Variants in DEF8 observed in about 807,000 individuals in gnomAD.
The protein encoded by DEF8 is DEF-8.
DEF8 carries 38 observed loss-of-function variants against 59.1 expected under a neutral mutation model. The observed-to-expected ratio is 0.64, with a 90% CI of 0.50 to 0.84. The LOEUF (loss-of-function observed/expected upper bound fraction) is 0.84, where lower values mean the gene tolerates loss of function less well. DEF8 is among the 40% of genes least tolerant of loss of function. The probability of loss-of-function intolerance (pLI) is 0.00; values close to 1 mark genes in which losing one functional copy is unlikely to be tolerated. For missense variants in DEF8, 557 were observed against 615.2 expected, an observed-to-expected ratio of 0.91 and a Z score of 1.00; for synonymous variants, 265 against 250.1, an observed-to-expected ratio of 1.06 and a Z score of -0.56.
chr16:89,949,390 C>G, intron 1 of DEF8, 27 bp from the exon 2 acceptor site: 23 of 1,558,114 alleles, frequency 1.5e-5, no homozygotes, highest in Non-Finnish European at 2.0e-5. Flanking sequence ...TGGGGAGGCA[C>G]AGTGCTGGGG....
intron 4 of DEF8, among the ~76,000 whole-genome samples, chr16:89,955,962 A>G (rs1483982416): frequency 6.6e-6 from 1 of 151,712 alleles, no homozygotes; most frequent in African/African-American, 2.4e-5. Flanking sequence ...AGTCCCAGCT[A>G]CTCGGGAGGC....
intron 4 of DEF8, among the ~76,000 whole-genome samples, chr16:89,955,985 A>ATGAT (rs1466022210): frequency 1.3e-5 from 2 of 152,098 alleles, no homozygotes; most frequent in East Asian, 3.9e-4. Flanking sequence ...AGGTAGGAGA[A>ATGAT]TGATGTGAAC....
Position 89,957,637 on chromosome 16 carries a change from C to T in DEF8, c.349C>T (p.Arg117Trp), listed in dbSNP as rs778609903. 29 of 1,567,756 alleles carry T rather than the reference C, an allele frequency of 1.8e-5. No homozygotes were observed. Among genetic ancestry groups the T allele is most frequent in the Middle Eastern group, 1.7e-4 (1 of 5,826 alleles). Reference protein sequence around the residue: ...KDAVVRLIHLRLKLQELKDPN... With the variant: ...KDAVVRLIHLWLKLQELKDPN... ...TGCCGTGGTGCGACTCATCCACCTCCGGCTGAAGCTCCAGGAGCTGAAGGT... is the reference window on the plus strand; with the variant it reads ...TGCCGTGGTGCGACTCATCCACCTCTGGCTGAAGCTCCAGGAGCTGAAGGT... Residue 117 changes from arginine (R) to tryptophan (W), a missense_variant, in exon 5 of 13, where the codon CGG (arginine) becomes TGG (tryptophan). Arg to Trp is a moderately radical substitution (Grantham distance 101). Transcript: ENST00000563594.
chr16:89,948,874 G>A (rs1360230268), intron 1 of DEF8, 60 bp downstream of exon 1: 34 of 510,976 alleles, frequency 6.7e-5, no homozygotes, highest in Admixed American at 3.0e-4. Flanking sequence ...CGGGGACGGG[G>A]CCGGCGGGGA....
At position 89,949,467 on chromosome 16, in the gene DEF8, T is replaced by G; in HGVS notation, c.-57T>G. On this transcript the variant is annotated 5_prime_UTR_variant, in exon 2 of 13. The change abolishes an upstream ATG in the 5' untranslated region. Coordinates refer to ENST00000563594, the MANE Select transcript of DEF8 (RefSeq NM_001242818.2). ...TCCGTGGCCAGCAGCCCTAGAGGAA[T>G]GGCCATCCTGTCCCTGCGAGCCCCT... The G allele has an allele frequency of 6.2e-7, 1 of 1,612,008 alleles. No homozygotes were observed. Among genetic ancestry groups the G allele is most frequent in the Non-Finnish European group, 8.5e-7 (1 of 1,179,792 alleles).
At chr16:89,952,093 G>A (rs1009807177) in intron 2 of DEF8, among the ~76,000 whole-genome samples, 9 of 152,218 alleles carry the variant, frequency 5.9e-5, no homozygotes, top group African/African-American at 2.2e-4. Flanking sequence ...TAGCCAGGAT[G>A]GTTTCGATCT....
At position 89,949,517 on chromosome 16, in the gene DEF8, T is replaced by TG; in HGVS notation, c.-11+7dup. On this transcript the variant is annotated splice_donor_region_variant and intron_variant, in intron 2 of 12. Coordinates refer to ENST00000563594, the MANE Select transcript of DEF8 (RefSeq NM_001242818.2). Reference sequence around the variant, plus strand: ...TGGGCCCTGGCAGGCGATGCAGGTATGGGCAGACAGGACGCTGTTGACTCC... The same window carrying TG: ...TGGGCCCTGGCAGGCGATGCAGGTATGGGGCAGACAGGACGCTGTTGACTCC... 6.2e-7 allele frequency: 1 copy of TG among 1,613,268 alleles called. No homozygotes were observed. The highest frequency in any genetic ancestry group is 8.5e-7 in the Non-Finnish European group (1 of 1,179,900).
intron 4 of DEF8, 58 bp downstream of exon 4, chr16:89,955,324 G>GCCAGGGTTTCCTTGTCACTCCCT: frequency 6.8e-7 from 1 of 1,468,552 alleles, no homozygotes. Flanking sequence ...GGCAGGAAGG[G>GCCAGGGTTTCCTTGTCACTCCCT]CCAGGGTTTC....
chr16:89,962,750 T>C (rs539450509), intron 9 of DEF8, among the ~76,000 whole-genome samples: 13 of 152,382 alleles, frequency 8.5e-5, no homozygotes, highest in African/African-American at 2.6e-4. Flanking sequence ...ATGAAATCAA[T>C]GTACATTTTT....
At position 89,966,038 on chromosome 16, in the gene DEF8, C is replaced by T. The variant is rs141639092; in HGVS notation, c.*75C>T. ...TGCCAACATCAAGTTGTTCCTTCTGCTCCGGAGACCCCTGGGGTGCGGCCC... is the reference window on the plus strand; with the variant it reads ...TGCCAACATCAAGTTGTTCCTTCTGTTCCGGAGACCCCTGGGGTGCGGCCC... On this transcript the variant is annotated 3_prime_UTR_variant, in exon 13 of 13. Coordinates refer to ENST00000563594, the MANE Select transcript of DEF8 (RefSeq NM_001242818.2). 2.0e-3 allele frequency: 2,471 copies of T among 1,209,834 alleles called. 51 individuals are homozygous for T. The African/African-American group carries it at 0.033, about 16-fold the overall frequency. The allele number at this position is 1,209,834 out of a possible 1,614,324, so 74.9% of individuals were successfully genotyped here. A position where few individuals can be genotyped will look rare whatever the true frequency, so the allele number is the denominator to read the frequency against.
rs534682721 is a variant in DEF8, at chr16:89,954,288, G to T, written c.36G>T (p.Gln12His). Residue 12 changes from glutamine (Q) to histidine (H), a missense_variant, in exon 3 of 13, where the codon CAG becomes CAT. Coordinates refer to ENST00000563594, the MANE Select transcript of DEF8 (RefSeq NM_001242818.2). The surrounding 1 kb of genome is among the most constrained non-coding windows in gnomAD (Gnocchi z 4.3). Reference sequence around the variant, plus strand: ...ATGAGAAGCTGGCCCGTTTCCGGCAGGCCCACCTCAACCCCTTCAACAAGC... The same window carrying T: ...ATGAGAAGCTGGCCCGTTTCCGGCATGCCCACCTCAACCCCTTCAACAAGC... The part of the protein sequence containing the change: ...EYDEKLARFR[Q>H]AHLNPFNKQS... 18 of 1,613,538 alleles carry T rather than the reference G, an allele frequency of 1.1e-5. No individual in the cohort carries two copies. The South Asian group carries it at 1.5e-4, about 14-fold the overall frequency.
At chr16:89,962,220 G>C in intron 9 of DEF8, 95 bp downstream of exon 9, 5 of 1,168,066 alleles carry the variant, frequency 4.3e-6, no homozygotes, top group Non-Finnish European at 6.2e-6. Context: ...GGCCACGGGA[G>C]GTTCTGAGCA....
intron 2 of DEF8, chr16:89,949,762 G>C (rs2031636029): frequency 1.0e-6 from 1 of 955,286 alleles, no homozygotes; most frequent in Non-Finnish European, 1.5e-6. Context: ...AGAGCAGTGG[G>C]CTCTAGAGGA....
intron 2 of DEF8, among the ~76,000 whole-genome samples, chr16:89,949,830 TCTGAGG>T (rs1448745217): frequency 2.0e-5 from 3 of 152,190 alleles, no homozygotes; most frequent in Admixed American, 6.5e-5. Flanking sequence ...CCCGCTCCTT[TCTGAGG>T]CCAAGTCCCA....
chr16:89,954,447 TC>T lies in DEF8; in HGVS notation c.124+73del, dbSNP rs1396206680. On this transcript the variant is annotated intron_variant, in intron 3 of 12. Transcript: ENST00000563594. This position sits in a 1 kb window ranked among gnomAD's most constrained non-coding sequence, Gnocchi z 4.3. The stretch of plus-strand genomic sequence containing the variant: ...CTGCTTACGTGGACCCCTCCTTTCT[TC>T]CTGCCGCGTCCTGCGCAGCCCTGGC... 2.6e-6 allele frequency: 4 copies of T among 1,526,016 alleles called. No individual in the cohort carries two copies. In the Admixed American group the frequency reaches 7.8e-5, roughly 30 times the overall value. 94.5% of individuals were successfully genotyped at this position (1,526,016 alleles called of 1,614,324 possible).
chr16:89,960,025 C>T (rs1400228630), intron 6 of DEF8, among the ~76,000 whole-genome samples: 1 of 147,564 alleles, frequency 6.8e-6, no homozygotes, highest in East Asian at 2.0e-4. Context: ...GGCTGCAGCT[C>T]TGTGTCTGGA....
chr16:89,957,646 C>G lies in DEF8; in HGVS notation c.358C>G (p.Leu120Val). The G allele has an allele frequency of 6.4e-7, 1 of 1,563,424 alleles. No individual in the cohort carries two copies. The highest frequency in any genetic ancestry group is 1.4e-5 in the African/African-American group (1 of 73,882). Residue 120 changes from leucine to valine, a missense_variant, in exon 5 of 13, where the codon CTC (leucine) becomes GTC (valine). By Grantham distance (32) the Leu-to-Val change is conservative. Coordinates refer to ENST00000563594, the MANE Select transcript of DEF8 (RefSeq NM_001242818.2). The stretch of plus-strand genomic sequence containing the variant: ...GCGACTCATCCACCTCCGGCTGAAG[C>G]TCCAGGAGCTGAAGGTGGGTGTGGG... ...VVRLIHLRLK[L>V]QELKDPNEDE...
intron 1 of DEF8, 55 bp downstream of exon 1, chr16:89,948,869 AC>A (rs2031221242): frequency 3.8e-6 from 2 of 530,944 alleles, no homozygotes; most frequent in African/African-American, 1.3e-4. Flanking sequence ...GCCGGCGGGG[AC>A]GGGGCCGGCG....
chr16:89,959,523 C>G (rs1334123771), intron 6 of DEF8, among the ~76,000 whole-genome samples: 1 of 152,238 alleles, frequency 6.6e-6, no homozygotes, highest in Non-Finnish European at 1.5e-5. Context: ...GAGACGGAGT[C>G]TCACTCAATC....
Sources: allele counts gnomAD v4.1 joint callset (sites outside exome capture counted in the v4.1 genomes callset), GRCh38; gene constraint gnomAD v4.1.1; non-coding constraint Gnocchi (gnomAD v3.1); transcripts MANE v1.5; gene names NCBI Gene and HGNC (gene_info 2026-07-23, HGNC 2026-07-21).